The following FSTL5 variants were observed in gnomAD, a reference collection of about 807,000 sequenced individuals.
The protein encoded by FSTL5 is follistatin-related protein 5.
A neutral mutation model predicts 89.1 loss-of-function variants in FSTL5; 62 were observed. The observed-to-expected ratio is 0.70, with a 90% CI of 0.57 to 0.86. The LOEUF (loss-of-function observed/expected upper bound fraction) is 0.86, where lower values mean the gene tolerates loss of function less well. FSTL5 is among the 40% of genes least tolerant of loss of function. The pLI, the probability that FSTL5 is intolerant of heterozygous loss-of-function variation, is 0.00. For synonymous variants in FSTL5, 383 were observed against 346.2 expected, an observed-to-expected ratio of 1.11 and a Z score of -1.18; for missense variants, 1,057 against 1,001.6, an observed-to-expected ratio of 1.06 and a Z score of -0.75.
At chr4:161,476,009 T>C (rs531560309) in intron 13 of FSTL5, among the ~76,000 whole-genome samples, 1 of 152,100 alleles carries the variant, frequency 6.6e-6, no homozygotes, top group East Asian at 1.9e-4. Flanking sequence ...CGCCTGGGCC[T>C]CCCAAAATGC....
At chr4:161,598,580 A>C (rs1734118418) in intron 7 of FSTL5, among the ~76,000 whole-genome samples, 1 of 152,184 alleles carries the variant, frequency 6.6e-6, no homozygotes, top group South Asian at 2.1e-4. Flanking sequence ...GTATTAAGAT[A>C]AAGTGTCTCT....
Position 161,920,510 on chromosome 4 carries a change from A to C in FSTL5, c.303T>G (p.Cys101Trp). The C allele has an allele frequency of 1.2e-6, 2 of 1,614,062 alleles. No individual in the cohort carries two copies. The highest frequency in any genetic ancestry group is 2.2e-5 in the South Asian group (2 of 91,088). Reference protein sequence around the residue: ...DLCKRHYKPVCGSDGEFYENH... With the variant: ...DLCKRHYKPVWGSDGEFYENH... Reference sequence around the variant, plus strand: ...TTTCATAGAATTCTCCGTCAGATCCACACACAGGTTTGTAGTGACGTTTGC... The same window carrying C: ...TTTCATAGAATTCTCCGTCAGATCCCCACACAGGTTTGTAGTGACGTTTGC... The change falls in exon 4 of 16, where the codon TGT (cysteine) becomes TGG (tryptophan). Residue 101 changes from cysteine to tryptophan, a missense_variant. By Grantham distance (215) the Cys-to-Trp change is radical (BLOSUM62 -2). This residue lies in a region of FSTL5 where 980 missense variants were observed against 903.2 expected (regional missense o/e 1.08). Transcript: ENST00000306100.
intron 7 of FSTL5, among the ~76,000 whole-genome samples, chr4:161,601,470 A>G (rs1272015205): frequency 6.6e-6 from 1 of 152,122 alleles, no homozygotes; most frequent in South Asian, 2.1e-4. Flanking sequence ...ACAAGGTAGG[A>G]ACACTGAGAA....
At chr4:162,009,519 C>A (rs1348090396) in intron 3 of FSTL5, among the ~76,000 whole-genome samples, 1 of 152,050 alleles carries the variant, frequency 6.6e-6, no homozygotes, top group East Asian at 1.9e-4. Context: ...AAATATGCCA[C>A]CCCAAAAAGC....
At chr4:161,749,172 G>A (rs1456533716) in intron 6 of FSTL5, among the ~76,000 whole-genome samples, 3 of 152,042 alleles carry the variant, frequency 2.0e-5, no homozygotes, top group African/African-American at 4.8e-5. Flanking sequence ...CCCCACTACT[G>A]GGTATCTATC....
At chr4:162,157,853 T>G (rs2110756753) in intron 1 of FSTL5, among the ~76,000 whole-genome samples, 1 of 152,126 alleles carries the variant, frequency 6.6e-6, no homozygotes, top group East Asian at 1.9e-4. Context: ...AGTCACCTCT[T>G]CTCTTTCTCA....
chr4:162,129,520 T>C (rs1294854073), intron 1 of FSTL5, among the ~76,000 whole-genome samples: 1 of 152,174 alleles, frequency 6.6e-6, no homozygotes, highest in Non-Finnish European at 1.5e-5. Context: ...CAACAAACAC[T>C]AATCAAAAAT....
At chr4:161,762,674 T>C (rs1375779871) in intron 5 of FSTL5, among the ~76,000 whole-genome samples, 1 of 152,206 alleles carries the variant, frequency 6.6e-6, no homozygotes, top group South Asian at 2.1e-4. Flanking sequence ...ATGATCTTGA[T>C]TGGTCAAAAA....
rs139000602 is a variant in FSTL5 at position 161,694,375 on chromosome 4, T to C, written c.728-37881A>G. On this transcript the variant is annotated intron_variant, in intron 6 of 15. Coordinates refer to ENST00000306100, the MANE Select transcript of FSTL5 (RefSeq NM_020116.5). Reference sequence around the variant, plus strand: ...CAGTGAATGTTGTATTTTTCTTCTGTCTGCTCAAATCTGCTATTAAAAGCA... The same window carrying C: ...CAGTGAATGTTGTATTTTTCTTCTGCCTGCTCAAATCTGCTATTAAAAGCA... Among the ~76,000 whole-genome samples the C allele has an allele frequency of 5.9e-3, 905 of 152,294 alleles. 13 individuals are homozygous for C. Among genetic ancestry groups the C allele is most frequent in the South Asian group, 0.047 (227 of 4,824 alleles).
intron 1 of FSTL5, among the ~76,000 whole-genome samples, chr4:162,159,953 A>T (rs987790990): frequency 6.6e-6 from 1 of 151,956 alleles, no homozygotes; most frequent in African/African-American, 2.4e-5. Flanking sequence ...AGTAATTAGA[A>T]GACAAAATTG....
At chr4:161,479,695 G>C (rs1729432411) in intron 13 of FSTL5, among the ~76,000 whole-genome samples, 1 of 152,114 alleles carries the variant, frequency 6.6e-6, no homozygotes, top group South Asian at 2.1e-4. Context: ...TAAAAAATGT[G>C]TAACCTCAGG....
intron 4 of FSTL5, among the ~76,000 whole-genome samples, chr4:161,815,081 A>T (rs1404188684): frequency 6.6e-6 from 1 of 152,092 alleles, no homozygotes; most frequent in Non-Finnish European, 1.5e-5. Flanking sequence ...AAGAAGTTTT[A>T]GACTGTATCT....
chr4:161,523,328 T>C (rs1490517412), intron 10 of FSTL5, among the ~76,000 whole-genome samples: 1 of 152,158 alleles, frequency 6.6e-6, no homozygotes, highest in Non-Finnish European at 1.5e-5. Flanking sequence ...CTTATGTATA[T>C]ATAGGCAGGA....
intron 4 of FSTL5, among the ~76,000 whole-genome samples, chr4:161,864,095 T>A (rs1373162450): frequency 6.6e-6 from 1 of 152,202 alleles, no homozygotes; most frequent in Admixed American, 6.5e-5. Context: ...GACACATTAT[T>A]TTAAACTTAT....
At chr4:161,517,803 A>G (rs1461632403) in intron 10 of FSTL5, among the ~76,000 whole-genome samples, 3 of 152,140 alleles carry the variant, frequency 2.0e-5, no homozygotes, top group African/African-American at 7.2e-5. Context: ...TTTTTGATAA[A>G]ATGAACTTAT....
At chr4:161,840,313 GAGA>G (rs930832670) in intron 4 of FSTL5, among the ~76,000 whole-genome samples, 5 of 152,124 alleles carry the variant, frequency 3.3e-5, no homozygotes, top group Non-Finnish European at 5.9e-5. Context: ...TCATTAAAAT[GAGA>G]AGAAGAGAGA....
intron 15 of FSTL5, among the ~76,000 whole-genome samples, chr4:161,449,968 C>T (rs545116176): frequency 6.6e-6 from 1 of 152,176 alleles, no homozygotes; most frequent in African/African-American, 2.4e-5. Context: ...TGGTAGATTA[C>T]ACTTTGTGGC....
At chr4:161,590,177 T>C (rs769653835) in intron 7 of FSTL5, among the ~76,000 whole-genome samples, 7 of 152,090 alleles carry the variant, frequency 4.6e-5, no homozygotes, top group African/African-American at 9.7e-5. Flanking sequence ...GAGGAAATAT[T>C]TGAAGAAAAT....
intron 13 of FSTL5, among the ~76,000 whole-genome samples, chr4:161,465,193 T>C (rs1303724432): frequency 6.6e-6 from 1 of 152,102 alleles, no homozygotes; most frequent in African/African-American, 2.4e-5. Context: ...AAGATTTTTT[T>C]AAGATTAAAA....
Sources: gnomAD v4.1 joint callset for allele counts (sites outside exome capture counted in the v4.1 genomes callset) on GRCh38, gnomAD v4.1.1 for gene constraint, gnomAD v4.1.1 regional missense constraint, MANE v1.5 for transcripts, NCBI Gene and HGNC (gene_info 2026-07-23, HGNC 2026-07-21) for gene names.